Variants in AGMO observed in about 807,000 individuals in gnomAD.
The protein encoded by AGMO is alkylglycerol monooxygenase, also known as glyceryl-ether monooxygenase.
In AGMO, 75 loss-of-function variants were observed where a neutral mutation model predicts 60.2. The ratio of observed to expected loss-of-function variants is 1.25; its 90% CI spans 1.03 to 1.51. The LOEUF (loss-of-function observed/expected upper bound fraction) is 1.51. AGMO is among the 40% of genes most tolerant of loss of function. The pLI is 0.00. For missense variants in AGMO, 763 were observed against 525.5 expected (o/e 1.45, Z -4.42); for synonymous variants, 261 against 177.1 (o/e 1.47, Z -3.76).
At chr7:15,135,979 CT>C in the AGMO span, among the ~76,000 whole-genome samples, 137 of 106,858 alleles carry the variant, frequency 1.3e-3, no homozygotes, top group Non-Finnish European at 1.9e-3. Flanking sequence ...TTTTTCTTTT[CT>C]TTTTTTTTTT....
intron 4 of AGMO, among the ~76,000 whole-genome samples, chr7:15,418,896 T>C (rs1780854554): frequency 6.6e-6 from 1 of 151,926 alleles, no homozygotes; most frequent in African/African-American, 2.4e-5. Flanking sequence ...TAAAATATTA[T>C]ATGTTGTGTG....
intron 6 of AGMO, among the ~76,000 whole-genome samples, chr7:15,391,639 G>A (rs1024337305): frequency 9.9e-5 from 15 of 152,106 alleles, no homozygotes; most frequent in Non-Finnish European, 2.9e-5. Context: ...TTCCATGCAT[G>A]CAACCACACA....
intron 5 of AGMO, among the ~76,000 whole-genome samples, chr7:15,408,794 T>C (rs77088803): frequency 0.014 from 2,073 of 151,900 alleles, 41 homozygotes; most frequent in African/African-American, 0.048. Context: ...GTGGGGACCA[T>C]GGGTTGTGTG....
At chr7:15,204,985 C>T (rs1189422246) in intron 12 of AGMO, among the ~76,000 whole-genome samples, 1 of 152,102 alleles carries the variant, frequency 6.6e-6, no homozygotes, top group African/African-American at 2.4e-5. Flanking sequence ...TCATCTCACC[C>T]AGGTTTATGT....
chr7:15,310,999 C>T (rs143097130), intron 12 of AGMO, among the ~76,000 whole-genome samples: 9 of 152,198 alleles, frequency 5.9e-5, no homozygotes, highest in South Asian at 4.1e-4. Flanking sequence ...ACACTTCTGA[C>T]GGCATGAGGC....
At chr7:15,544,274 T>C (rs1271789670) in intron 3 of AGMO, among the ~76,000 whole-genome samples, 1 of 151,964 alleles carries the variant, frequency 6.6e-6, no homozygotes, top group Non-Finnish European at 1.5e-5. Flanking sequence ...CAGGGTACAA[T>C]GCTCGGGTGA....
the AGMO span, among the ~76,000 whole-genome samples, chr7:15,161,685 A>C: frequency 6.6e-6 from 1 of 151,486 alleles, no homozygotes; most frequent in African/African-American, 2.4e-5. Context: ...CTATATGTAT[A>C]TGTATATATG....
intron 5 of AGMO, among the ~76,000 whole-genome samples, chr7:15,409,084 T>C (rs1004423667): frequency 4.0e-5 from 6 of 151,830 alleles, no homozygotes; most frequent in Non-Finnish European, 5.9e-5. Context: ...GGAGATATAG[T>C]GGGAAGGCGC....
chr7:15,242,797 CAA>C (rs1782630820), intron 12 of AGMO, among the ~76,000 whole-genome samples: 1 of 151,820 alleles, frequency 6.6e-6, no homozygotes. Flanking sequence ...ATATGTGAAA[CAA>C]TGTCACCTGA....
intron 12 of AGMO, among the ~76,000 whole-genome samples, chr7:15,232,685 CA>C (rs1028131068): frequency 4.6e-5 from 7 of 151,996 alleles, no homozygotes. Context: ...GAATACGAAT[CA>C]AAGGAAGTTT....
chr7:15,302,526 A>G (rs1780475511), intron 12 of AGMO, among the ~76,000 whole-genome samples: 1 of 152,216 alleles, frequency 6.6e-6, no homozygotes, highest in African/African-American at 2.4e-5. Flanking sequence ...TATAATACAG[A>G]AATTAAAATG....
intron 12 of AGMO, among the ~76,000 whole-genome samples, chr7:15,275,115 C>G (rs1402763976): frequency 6.6e-6 from 1 of 151,950 alleles, no homozygotes; most frequent in Admixed American, 6.6e-5. Flanking sequence ...ATTGATTTCA[C>G]AGTTTCTGGA....
intron 12 of AGMO, among the ~76,000 whole-genome samples, chr7:15,316,321 T>C (rs74857021): frequency 0.01 from 1,553 of 152,246 alleles, 9 homozygotes; most frequent in Non-Finnish European, 0.017. Flanking sequence ...TGTAGGGCAA[T>C]TGGCTTACAT....
At chr7:15,427,044 G>A (rs1392281069) in intron 4 of AGMO, among the ~76,000 whole-genome samples, 1 of 152,116 alleles carries the variant, frequency 6.6e-6, no homozygotes, top group African/African-American at 2.4e-5. Flanking sequence ...AAAGGAAACA[G>A]TGGGTGATGG....
intron 12 of AGMO, among the ~76,000 whole-genome samples, chr7:15,299,227 TATA>T (rs1337545846): frequency 1.3e-5 from 2 of 151,858 alleles, no homozygotes; most frequent in African/African-American, 2.4e-5. Context: ...GTATAATAAA[TATA>T]ATAATATAAT....
intron 12 of AGMO, among the ~76,000 whole-genome samples, chr7:15,359,695 CATTT>C (rs1782679448): frequency 6.6e-6 from 1 of 152,168 alleles, no homozygotes; most frequent in South Asian, 2.1e-4. Context: ...ACCCCTGGTT[CATTT>C]CTCACTAAGC....
chr7:15,177,688 T>A, the AGMO span, among the ~76,000 whole-genome samples: 1 of 152,060 alleles, frequency 6.6e-6, no homozygotes, highest in African/African-American at 2.4e-5. Flanking sequence ...ATAGAAGATA[T>A]TTGATCTTCC....
intron 3 of AGMO, among the ~76,000 whole-genome samples, chr7:15,500,627 G>A (rs575324182): frequency 2.6e-5 from 4 of 151,816 alleles, no homozygotes; most frequent in Admixed American, 2.6e-4. Flanking sequence ...TTTAAAGGAA[G>A]AAAAGAACCA....
intron 12 of AGMO, among the ~76,000 whole-genome samples, chr7:15,244,943 C>T (rs374155471): frequency 1.7e-4 from 26 of 152,284 alleles, no homozygotes; most frequent in African/African-American, 3.9e-4. Context: ...TAAGCCACCA[C>T]GCCCGGCCAG....
Sources: allele counts gnomAD v4.1 joint callset (sites outside exome capture counted in the v4.1 genomes callset), GRCh38; gene constraint gnomAD v4.1.1; transcripts MANE v1.5; gene names NCBI Gene and HGNC (gene_info 2026-07-23, HGNC 2026-07-21).